The following CCDC192 variants were observed in gnomAD, a reference collection of about 807,000 sequenced individuals.
The protein encoded by CCDC192 is coiled-coil domain-containing protein 192.
intron 6 of CCDC192, among the ~76,000 whole-genome samples, chr5:127,876,948 C>T (rs1752107313): frequency 6.6e-6 from 1 of 152,166 alleles, no homozygotes; most frequent in Non-Finnish European, 1.5e-5. Flanking sequence ...GCTTTTACCA[C>T]CATGAAACCT....
intron 5 of CCDC192, among the ~76,000 whole-genome samples, chr5:127,856,957 C>G (rs1245405061): frequency 6.6e-6 from 1 of 152,138 alleles, no homozygotes; most frequent in Non-Finnish European, 1.5e-5. Context: ...CAAGATGTGA[C>G]AAAGTTAGCA....
intron 2 of CCDC192, among the ~76,000 whole-genome samples, chr5:127,708,021 A>C (rs905582267): frequency 6.6e-6 from 1 of 152,114 alleles, no homozygotes; most frequent in Non-Finnish European, 1.5e-5. Context: ...TTATTTTGAC[A>C]TGTAATAAAT....
At chr5:127,733,350 T>G (rs576918245) in intron 2 of CCDC192, among the ~76,000 whole-genome samples, 2 of 152,166 alleles carry the variant, frequency 1.3e-5, no homozygotes, top group African/African-American at 4.8e-5. Flanking sequence ...GCCGTTATAC[T>G]AAGTAAAGTT....
chr5:127,905,591 A>G (rs1449779732), intron 6 of CCDC192, among the ~76,000 whole-genome samples: 1 of 152,184 alleles, frequency 6.6e-6, no homozygotes, highest in Non-Finnish European at 1.5e-5. Flanking sequence ...CACGTTTAAG[A>G]CCTTTGACAA....
At chr5:127,719,855 T>A (rs1751917323) in intron 2 of CCDC192, among the ~76,000 whole-genome samples, 1 of 151,180 alleles carries the variant, frequency 6.6e-6, no homozygotes, top group Non-Finnish European at 1.5e-5. Context: ...ACACATGCTT[T>A]TTAAACCACC....
chr5:127,802,026 A>G (rs138845631), intron 5 of CCDC192, among the ~76,000 whole-genome samples: 82 of 152,326 alleles, frequency 5.4e-4, no homozygotes, highest in African/African-American at 1.8e-3. Context: ...GTTACAAAAA[A>G]TATACTCCTA....
At chr5:127,779,571 A>G (rs1310065401) in intron 3 of CCDC192, among the ~76,000 whole-genome samples, 1 of 152,192 alleles carries the variant, frequency 6.6e-6, no homozygotes, top group African/African-American at 2.4e-5. Flanking sequence ...CTGGGATTAC[A>G]GGCATGAGCC....
At chr5:127,815,804 C>G (rs1414035771) in intron 5 of CCDC192, among the ~76,000 whole-genome samples, 1 of 151,646 alleles carries the variant, frequency 6.6e-6, no homozygotes, top group Non-Finnish European at 1.5e-5. Flanking sequence ...GGAGGCGGAG[C>G]TTGCAGTGAG....
intron 2 of CCDC192, among the ~76,000 whole-genome samples, chr5:127,747,099 TATTTA>T (rs1343296877): frequency 6.6e-6 from 1 of 151,666 alleles, no homozygotes; most frequent in African/African-American, 2.4e-5. Context: ...GTTTCTTTTT[TATTTA>T]TTTATTTTTT....
At chr5:127,883,395 G>T (rs1404051751) in intron 6 of CCDC192, among the ~76,000 whole-genome samples, 1 of 152,156 alleles carries the variant, frequency 6.6e-6, no homozygotes, top group Non-Finnish European at 1.5e-5. Flanking sequence ...TCAGTTAAAG[G>T]TGTACTTTCT....
At chr5:127,798,401 G>A (rs1341754422) in intron 5 of CCDC192, among the ~76,000 whole-genome samples, 1 of 152,164 alleles carries the variant, frequency 6.6e-6, no homozygotes, top group African/African-American at 2.4e-5. Context: ...CTAATCAGGT[G>A]CTATCAGAAG....
chr5:127,919,067 GTATATA>G (rs1173733386), intron 6 of CCDC192, among the ~76,000 whole-genome samples: 1 of 134,798 alleles, frequency 7.4e-6, no homozygotes, highest in South Asian at 2.4e-4. Flanking sequence ...ATGTGTGTGT[GTATATA>G]TGTGTGTGTG....
At position 127,819,921 on chromosome 5, in the gene CCDC192, TC is replaced by T. The variant is rs537207541; in HGVS notation, c.411+21760del. On this transcript the variant is annotated intron_variant, in intron 5 of 6. Coordinates refer to ENST00000514853, the MANE Select transcript of CCDC192 (RefSeq NM_001317938.2). ...GCACAGGCAGCCTTAGTTTCCATTCTCAGGGATTATCTTTATCCTTGTTTGT... is the reference window on the plus strand; with the variant it reads ...GCACAGGCAGCCTTAGTTTCCATTCTAGGGATTATCTTTATCCTTGTTTGT... 1.2e-4 allele frequency among the ~76,000 whole-genome samples: 18 copies of T among 152,338 alleles called. 1 individual carries two copies. In the South Asian group the frequency reaches 3.5e-3, roughly 30 times the overall value.
At chr5:127,831,224 G>A (rs1749780351) in intron 5 of CCDC192, among the ~76,000 whole-genome samples, 1 of 151,888 alleles carries the variant, frequency 6.6e-6, no homozygotes, top group Non-Finnish European at 1.5e-5. Flanking sequence ...TAAAAATCAA[G>A]AAAAGCTATA....
chr5:127,744,105 A>C (rs1247110211), intron 2 of CCDC192, among the ~76,000 whole-genome samples: 30 of 130,788 alleles, frequency 2.3e-4, no homozygotes, highest in Non-Finnish European at 4.4e-4. Flanking sequence ...AAAAAAAAAA[A>C]AAAAGGAAAA....
intron 3 of CCDC192, among the ~76,000 whole-genome samples, chr5:127,766,048 C>G (rs1254776561): frequency 6.6e-6 from 1 of 152,216 alleles, no homozygotes; most frequent in Non-Finnish European, 1.5e-5. Flanking sequence ...ACCCATCCCA[C>G]TCACTTATGC....
At chr5:127,832,798 A>G (rs1676047011) in intron 5 of CCDC192, among the ~76,000 whole-genome samples, 4 of 152,144 alleles carry the variant, frequency 2.6e-5, no homozygotes, top group African/African-American at 9.7e-5. Flanking sequence ...TAAAAACCAA[A>G]CAAAATAAAA....
intron 3 of CCDC192, among the ~76,000 whole-genome samples, chr5:127,764,619 G>A (rs1755114817): frequency 6.6e-6 from 1 of 151,998 alleles, no homozygotes; most frequent in Non-Finnish European, 1.5e-5. Context: ...TGGATATTAT[G>A]TCAGATCCTT....
intron 3 of CCDC192, among the ~76,000 whole-genome samples, chr5:127,759,739 C>T (rs1420005956): frequency 6.6e-6 from 1 of 152,202 alleles, no homozygotes; most frequent in Non-Finnish European, 1.5e-5. Context: ...CAACCTACCA[C>T]AAAAGTCTTT....
Sources: gnomAD v4.1 joint callset for allele counts (sites outside exome capture counted in the v4.1 genomes callset) on GRCh38, gnomAD v4.1.1 for gene constraint, MANE v1.5 for transcripts, NCBI Gene and HGNC (gene_info 2026-07-23, HGNC 2026-07-21) for gene names.